SOX6: variants seen among roughly 807,000 people sequenced by gnomAD.
SOX6 encodes transcription factor SOX-6.
SOX6 carries 11 observed loss-of-function variants against 97.8 expected under a neutral mutation model. The ratio of observed to expected loss-of-function variants is 0.11; its 90% CI spans 0.07 to 0.19. The LOEUF is 0.19. Among genes scored for constraint, SOX6 ranks in the 10% least tolerant of loss-of-function variants. The pLI is 1.00. For missense variants in SOX6, 810 were observed against 1,039.5 expected (o/e 0.78, Z 3.04); for synonymous variants, 360 against 371.4 (o/e 0.97, Z 0.35).
chr11:16,323,181 T>G (rs539701957), intron 2 of SOX6, among the ~76,000 whole-genome samples: 1 of 152,210 alleles, frequency 6.6e-6, no homozygotes, highest in Admixed American at 6.6e-5. Context: ...CTAAAGAGCA[T>G]TTCACTGGAA....
intron 4 of SOX6, among the ~76,000 whole-genome samples, chr11:16,195,356 C>T (rs1851743865): frequency 6.6e-6 from 1 of 152,116 alleles, no homozygotes; most frequent in Non-Finnish European, 1.5e-5. Context: ...GGTATCTTCC[C>T]TCATCTCACA....
intron 2 of SOX6, among the ~76,000 whole-genome samples, chr11:16,328,794 T>C (rs1345719359): frequency 6.6e-6 from 1 of 152,128 alleles, no homozygotes; most frequent in African/African-American, 2.4e-5. Context: ...AAATCTAACC[T>C]TTTTAATATG....
At position 16,494,257 on chromosome 11, in the gene SOX6, T is replaced by C. The variant is rs932478369; in HGVS notation, n.610-17869A>G. Reference sequence around the variant, plus strand: ...CAGGCATGGTGGCACATGCCTGTAGTCCCAGCTACTCAGGAGGCTGAGGCA... The same window carrying C: ...CAGGCATGGTGGCACATGCCTGTAGCCCCAGCTACTCAGGAGGCTGAGGCA... On this transcript the variant is annotated intron_variant and non_coding_transcript_variant, in intron 4 of 5. Coordinates refer to the SOX6 transcript ENST00000524520. Among the ~76,000 whole-genome samples, 8 of 152,056 alleles carry C rather than the reference T, an allele frequency of 5.3e-5. 1 individual carries two copies. Among genetic ancestry groups the C allele is most frequent in the Non-Finnish European group, 1.2e-4 (8 of 68,020 alleles).
At chr11:16,122,422 G>A (rs771576207) in intron 6 of SOX6, among the ~76,000 whole-genome samples, 6 of 151,938 alleles carry the variant, frequency 3.9e-5, no homozygotes, top group Non-Finnish European at 8.8e-5. Flanking sequence ...TGATCAAAGT[G>A]TTTTGCCAAG....
chr11:16,046,759 A>G (rs1261825710), intron 11 of SOX6, 58 bp from the exon 12 acceptor site: 2 of 1,527,860 alleles, frequency 1.3e-6, no homozygotes, highest in African/African-American at 2.7e-5. Context: ...AAAAAGTACT[A>G]CTACTATCCC....
chr11:16,591,332 TAGATAGATAGATAGATAGAC>T (rs1293955961), intron 4 of SOX6, among the ~76,000 whole-genome samples: 989 of 84,208 alleles, frequency 0.012, 10 homozygotes, highest in African/African-American at 0.034. Context: ...GATAGATAGA[TAGATAGATAGATAGATAGAC>T]AGATAGATAG....
In SOX6 at chr11:16,549,330, T is replaced by C. The variant is rs574439342; in HGVS notation, n.609+62751A>G. 6.6e-5 allele frequency among the ~76,000 whole-genome samples: 10 copies of C among 152,076 alleles called. No homozygotes were observed. In the East Asian group the frequency reaches 1.9e-3, roughly 30 times the overall value. ...TATTACAGGCATGCGCCACCACGCC[T>C]GGCTAATTTTGTATTTTTAGTAGAG... On this transcript the variant is annotated intron_variant and non_coding_transcript_variant, in intron 4 of 5. Coordinates refer to the SOX6 transcript ENST00000524520.
chr11:16,008,090 C>T (rs2133853906), intron 13 of SOX6, among the ~76,000 whole-genome samples: 1 of 152,130 alleles, frequency 6.6e-6, no homozygotes, highest in Admixed American at 6.6e-5. Context: ...TATGCATATC[C>T]TCCCACATAC....
At chr11:16,664,346 C>G (rs531017029) in intron 3 of SOX6, among the ~76,000 whole-genome samples, 1 of 152,168 alleles carries the variant, frequency 6.6e-6, no homozygotes, top group Non-Finnish European at 1.5e-5. Context: ...TCCCCTGGCA[C>G]AGGCCACAAG....
At chr11:16,528,968 T>G (rs940080002) in intron 4 of SOX6, among the ~76,000 whole-genome samples, 1 of 152,030 alleles carries the variant, frequency 6.6e-6, no homozygotes, top group African/African-American at 2.4e-5. Context: ...TTATGGGCAT[T>G]GAGTGCTTTT....
At chr11:16,435,350 T>C (rs552503982) in intron 1 of SOX6, among the ~76,000 whole-genome samples, 6 of 152,216 alleles carry the variant, frequency 3.9e-5, no homozygotes, top group Non-Finnish European at 8.8e-5. Flanking sequence ...TTCCGAATTA[T>C]CTTTAAATTG....
chr11:16,072,875 C>T (rs1248884423), intron 9 of SOX6, among the ~76,000 whole-genome samples: 1 of 152,030 alleles, frequency 6.6e-6, no homozygotes, highest in African/African-American at 2.4e-5. Flanking sequence ...GAAATCAGAC[C>T]CTTTCCAGAC....
At chr11:16,096,521 T>G (rs962060766) in intron 8 of SOX6, among the ~76,000 whole-genome samples, 1 of 151,814 alleles carries the variant, frequency 6.6e-6, no homozygotes, top group Admixed American at 6.6e-5. Context: ...CCATAATGGG[T>G]TACATCTTTA....
intron 4 of SOX6, among the ~76,000 whole-genome samples, chr11:16,513,733 C>T (rs1250923111): frequency 1.3e-5 from 2 of 152,156 alleles, no homozygotes; most frequent in Admixed American, 6.5e-5. Context: ...AATCACAGTT[C>T]TTGGCATTAC....
At position 16,730,029 on chromosome 11, in the gene SOX6, A is replaced by AATATATATATATAT. The variant is rs34591978; in HGVS notation, n.353+6296_353+6309dup. On this transcript the variant is annotated intron_variant and non_coding_transcript_variant, in intron 2 of 5. Coordinates refer to the SOX6 transcript ENST00000524520. ...GCAACAAGAAGAGCTAACTATCCTA[A>AATATATATATATAT]ATATATATATATATATATATCCTAA... Among the ~76,000 whole-genome samples the AATATATATATATAT allele has an allele frequency of 5.1e-4, 73 of 142,608 alleles. 1 individual carries two copies. Among genetic ancestry groups the AATATATATATATAT allele is most frequent in the African/African-American group, 1.8e-3 (70 of 38,546 alleles). The allele number at this position is 142,608 out of a possible 152,430, so 93.6% of individuals were successfully genotyped here.
chr11:16,138,062 A>T (rs1363036885), intron 6 of SOX6, among the ~76,000 whole-genome samples: 2 of 152,206 alleles, frequency 1.3e-5, no homozygotes, highest in East Asian at 3.8e-4. Flanking sequence ...CACTATGCAA[A>T]TATATACATA....
At chr11:16,064,722 AATCAATGTGATACATCAT>A (rs1014845612) in intron 9 of SOX6, among the ~76,000 whole-genome samples, 1 of 151,996 alleles carries the variant, frequency 6.6e-6, no homozygotes, top group African/African-American at 2.4e-5. Context: ...TATACAAATC[AATCAATGTGATACATCAT>A]ATCAACAGAA....
rs1848427950 is a variant in SOX6 at position 16,613,582 on chromosome 11, C to T, written n.430-1322G>A. On this transcript the variant is annotated intron_variant and non_coding_transcript_variant, in intron 3 of 5. Coordinates refer to the SOX6 transcript ENST00000524520. The surrounding 1 kb of genome is among the most constrained non-coding windows in gnomAD (Gnocchi z 4.6). ...CGGGTTCGGCCAAGGGTTTCCACCC[C>T]ATCACCACTTCCCGCTGCCTCCACG... Among the ~76,000 whole-genome samples the T allele has an allele frequency of 6.6e-6, 1 of 152,062 alleles. No homozygotes were observed. The highest frequency in any genetic ancestry group is 1.5e-5 in the Non-Finnish European group (1 of 67,992).
intron 2 of SOX6, among the ~76,000 whole-genome samples, chr11:16,725,087 A>G (rs1014750504): frequency 6.6e-6 from 1 of 152,242 alleles, no homozygotes. Flanking sequence ...CATTATTCAT[A>G]ATAGAAAAAA....
Sources: gnomAD v4.1 joint callset for allele counts (sites outside exome capture counted in the v4.1 genomes callset) on GRCh38, gnomAD v4.1.1 for gene constraint, Gnocchi (gnomAD v3.1) non-coding constraint, MANE v1.5 for transcripts, NCBI Gene and HGNC (gene_info 2026-07-23, HGNC 2026-07-21) for gene names.